Variants in GABRB2 observed in about 807,000 individuals in gnomAD.
The protein encoded by GABRB2 is gamma-aminobutyric acid receptor subunit beta-2.
Under a neutral mutation model 54.7 loss-of-function variants are expected in GABRB2, and 16 were observed. That is an observed-to-expected ratio of 0.29 (90% CI 0.20 to 0.44). The LOEUF (loss-of-function observed/expected upper bound fraction) is 0.44. Among genes scored for constraint, GABRB2 ranks in the 20% least tolerant of loss-of-function variants. GABRB2 has a pLI of 1.00. For missense variants in GABRB2, 355 were observed against 644.0 expected, an observed-to-expected ratio of 0.55 and a Z score of 4.86; for synonymous variants, 244 against 233.8, an observed-to-expected ratio of 1.04 and a Z score of -0.40.
At chr5:161,446,872 G>C (rs1757627499) in intron 4 of GABRB2, among the ~76,000 whole-genome samples, 1 of 151,738 alleles carries the variant, frequency 6.6e-6, no homozygotes, top group African/African-American at 2.4e-5. Flanking sequence ...CCAAGTTTTT[G>C]AGTCACAGAG....
At chr5:161,463,195 T>G (rs1561659205) in intron 3 of GABRB2, among the ~76,000 whole-genome samples, 1 of 151,898 alleles carries the variant, frequency 6.6e-6, no homozygotes, top group Non-Finnish European at 1.5e-5. Flanking sequence ...CTGATGACTA[T>G]GCAAAGTAGA....
chr5:161,417,733 T>TA (rs746797446), intron 4 of GABRB2, among the ~76,000 whole-genome samples: 4 of 152,264 alleles, frequency 2.6e-5, no homozygotes, highest in Middle Eastern at 3.4e-3. Flanking sequence ...GACAAGCAAA[T>TA]ACAGGCCTCT....
At chr5:161,516,971 A>AAACATCTC (rs1561679372) in intron 3 of GABRB2, among the ~76,000 whole-genome samples, 1 of 152,170 alleles carries the variant, frequency 6.6e-6, no homozygotes, top group Non-Finnish European at 1.5e-5. Context: ...GAGAGTTAGC[A>AAACATCTC]AACATCTCAC....
chr5:161,370,161 A>G (rs930691446), intron 5 of GABRB2, among the ~76,000 whole-genome samples: 2 of 152,184 alleles, frequency 1.3e-5, no homozygotes, highest in Non-Finnish European at 2.9e-5. Context: ...TGACCTTGTC[A>G]AGAAGATATT....
chr5:161,484,248 GA>G (rs1393119000), intron 3 of GABRB2, among the ~76,000 whole-genome samples: 1 of 151,922 alleles, frequency 6.6e-6, no homozygotes, highest in East Asian at 1.9e-4. Context: ...TTTAGAGAGA[GA>G]GATTTATTTT....
chr5:161,415,366 A>C (rs1045349690), intron 4 of GABRB2, among the ~76,000 whole-genome samples: 1 of 152,232 alleles, frequency 6.6e-6, no homozygotes, highest in Non-Finnish European at 1.5e-5. Flanking sequence ...ATTTGGGTAA[A>C]TGTTTTACTA....
chr5:161,338,642 T>G (rs1211777645), intron 5 of GABRB2, among the ~76,000 whole-genome samples: 1 of 151,814 alleles, frequency 6.6e-6, no homozygotes, highest in Non-Finnish European at 1.5e-5. Flanking sequence ...AATAAAAAAT[T>G]AGCCAGGCAT....
chr5:161,485,911 C>A (rs1460390423), intron 3 of GABRB2, among the ~76,000 whole-genome samples: 1 of 151,724 alleles, frequency 6.6e-6, no homozygotes, highest in African/African-American at 2.4e-5. Flanking sequence ...AAGCACCTGC[C>A]TGGGAATGAA....
chr5:161,494,392 CT>C (rs1275381083), intron 3 of GABRB2, among the ~76,000 whole-genome samples: 1 of 151,754 alleles, frequency 6.6e-6, no homozygotes, highest in East Asian at 1.9e-4. Flanking sequence ...TGAGAGTTGA[CT>C]TTATTTTTCT....
intron 9 of GABRB2, among the ~76,000 whole-genome samples, chr5:161,305,162 G>A (rs939428828): frequency 3.5e-4 from 53 of 151,206 alleles, no homozygotes; most frequent in African/African-American, 8.0e-4. Flanking sequence ...GACTACAGGC[G>A]CCCGCCACCG....
At chr5:161,546,850 G>C, upstream of GABRB2, 1 of 1,057,638 alleles carries the variant, frequency 9.5e-7, no homozygotes, top group South Asian at 1.9e-5. Flanking sequence ...ACATGTATAT[G>C]TATAATACAT....
At chr5:161,373,467 T>TA (rs937168191) in intron 5 of GABRB2, among the ~76,000 whole-genome samples, 1 of 151,900 alleles carries the variant, frequency 6.6e-6, no homozygotes, top group South Asian at 2.1e-4. Flanking sequence ...GAACCTCATC[T>TA]AAAAAAAACC....
chr5:161,439,983 T>G (rs1356918358), intron 4 of GABRB2, among the ~76,000 whole-genome samples: 1 of 140,264 alleles, frequency 7.1e-6, no homozygotes, highest in Non-Finnish European at 1.5e-5. Context: ...TTAAAAGTTG[T>G]AGAGAAGAAC....
chr5:161,544,898 C>G (rs1203708542), intron 3 of GABRB2, among the ~76,000 whole-genome samples: 1 of 152,000 alleles, frequency 6.6e-6, no homozygotes, highest in Non-Finnish European at 1.5e-5. Flanking sequence ...ACATCAAATC[C>G]AGAAAATCAC....
intron 3 of GABRB2, among the ~76,000 whole-genome samples, chr5:161,534,519 T>C (rs1760569475): frequency 6.6e-6 from 1 of 152,154 alleles, no homozygotes; most frequent in African/African-American, 2.4e-5. Context: ...TTCTGAAATA[T>C]GAAATTCAAG....
intron 3 of GABRB2, among the ~76,000 whole-genome samples, chr5:161,482,248 T>C (rs1415964909): frequency 6.6e-6 from 1 of 152,034 alleles, no homozygotes; most frequent in East Asian, 1.9e-4. Flanking sequence ...AAGATGAACC[T>C]ATGTGCCTTC....
At chr5:161,452,272 T>C (rs1325040207) in intron 4 of GABRB2, among the ~76,000 whole-genome samples, 1 of 152,192 alleles carries the variant, frequency 6.6e-6, no homozygotes, top group Non-Finnish European at 1.5e-5. Flanking sequence ...GAGATGGAAG[T>C]GCTAAAAGGA....
chr5:161,479,725 G>A (rs1375377323), intron 3 of GABRB2, among the ~76,000 whole-genome samples: 5 of 151,834 alleles, frequency 3.3e-5, no homozygotes, highest in African/African-American at 9.7e-5. Context: ...GAGTAGCTGG[G>A]AGTACAGGTG....
chr5:161,447,374 C>T (rs995142737), intron 4 of GABRB2, among the ~76,000 whole-genome samples: 14 of 152,128 alleles, frequency 9.2e-5, no homozygotes, highest in African/African-American at 3.4e-4. Context: ...GTTCTTTATC[C>T]TGGTCTTTTC....
Sources: allele counts gnomAD v4.1 joint callset (sites outside exome capture counted in the v4.1 genomes callset), GRCh38; gene constraint gnomAD v4.1.1; transcripts MANE v1.5; gene names NCBI Gene and HGNC (gene_info 2026-07-23, HGNC 2026-07-21).